The following TRIM9 variants were observed in gnomAD, a reference collection of about 807,000 sequenced individuals.
The protein encoded by TRIM9 is E3 ubiquitin-protein ligase TRIM9.
A neutral mutation model predicts 78.3 loss-of-function variants in TRIM9; 26 were observed. That is an observed-to-expected ratio of 0.33 (90% CI 0.24 to 0.46). TRIM9 has a LOEUF of 0.46. TRIM9 is among the 20% of genes least tolerant of loss of function. The pLI, the probability that TRIM9 is intolerant of heterozygous loss-of-function variation, is 1.00. For missense variants in TRIM9, 787 were observed against 1,036.4 expected (o/e 0.76, Z 3.30); for synonymous variants, 398 against 416.5 (o/e 0.96, Z 0.54).
intron 5 of TRIM9, among the ~76,000 whole-genome samples, chr14:51,001,354 G>C (rs573347175): frequency 6.6e-6 from 1 of 150,838 alleles, no homozygotes; most frequent in Admixed American, 6.6e-5. Context: ...CTCAGCCTCC[G>C]GAGTAGCTGG....
At chr14:51,083,567 T>C (rs2063500780) in intron 1 of TRIM9, among the ~76,000 whole-genome samples, 1 of 152,206 alleles carries the variant, frequency 6.6e-6, no homozygotes. Flanking sequence ...TAAAATACTT[T>C]GCAGCAGCAT....
At chr14:51,025,810 T>C (rs6572718) in intron 1 of TRIM9, among the ~76,000 whole-genome samples, 36,614 of 152,012 alleles carry the variant, frequency 0.24, 5,043 homozygotes, top group African/African-American at 0.38. Flanking sequence ...GGGTAGGTAC[T>C]GGTGTGATCC....
At chr14:51,049,208 T>C (rs1475749969) in intron 1 of TRIM9, among the ~76,000 whole-genome samples, 1 of 152,088 alleles carries the variant, frequency 6.6e-6, no homozygotes, top group Non-Finnish European at 1.5e-5. Flanking sequence ...ACTACAGGCA[T>C]GCGCCATCAC....
chr14:51,025,571 C>T (rs921911337), intron 1 of TRIM9, among the ~76,000 whole-genome samples: 3 of 152,156 alleles, frequency 2.0e-5, no homozygotes, highest in Non-Finnish European at 4.4e-5. Flanking sequence ...ACACTTCTGG[C>T]CACAGCAGTC....
intron 1 of TRIM9, among the ~76,000 whole-genome samples, 163 bp downstream of exon 1, chr14:51,093,955 C>A (rs2064690969): frequency 6.6e-6 from 1 of 152,260 alleles, no homozygotes; most frequent in East Asian, 1.9e-4. Flanking sequence ...GTTAAGATTC[C>A]CCCATGCCTC....
At chr14:51,009,747 C>G (rs560231774) in intron 4 of TRIM9, among the ~76,000 whole-genome samples, 57 of 152,278 alleles carry the variant, frequency 3.7e-4, no homozygotes, top group African/African-American at 1.3e-3. Flanking sequence ...TCTTTCATTT[C>G]TTATATTCAA....
At chr14:51,054,567 C>T (rs2060731132) in intron 1 of TRIM9, among the ~76,000 whole-genome samples, 1 of 151,884 alleles carries the variant, frequency 6.6e-6, no homozygotes, top group Non-Finnish European at 1.5e-5. Context: ...TGAGCCATTG[C>T]CGCCGGCCAA....
intron 1 of TRIM9, among the ~76,000 whole-genome samples, chr14:51,059,143 G>A (rs1389172836): frequency 2.0e-5 from 3 of 152,216 alleles, no homozygotes; most frequent in Non-Finnish European, 4.4e-5. Flanking sequence ...TGGGAAATCA[G>A]TTCTTTCCTC....
At chr14:51,065,277 G>C (rs1376196585) in intron 1 of TRIM9, among the ~76,000 whole-genome samples, 1 of 152,190 alleles carries the variant, frequency 6.6e-6, no homozygotes, top group Non-Finnish European at 1.5e-5. Context: ...TGAAACCGCT[G>C]AATGTCAACA....
chr14:50,986,002 G>C lies in TRIM9; in HGVS notation c.1746C>G (p.Pro582=), dbSNP rs1167202335. The change falls in exon 8 of 13, where the codon CCC becomes CCG. Residue 582 remains proline (P), a synonymous_variant. Coordinates refer to ENST00000684578, the MANE Select transcript of TRIM9 (RefSeq NM_001387360.1). ...GRSYFDFRSS[P]HQLSLHSSLQ... ...AAGAGGAATGCAAGCTCAGCTGGTG[G>C]GGTGAGGATCGGAAATCAAAGTAGG... 2 of 1,548,828 alleles carry C rather than the reference G, an allele frequency of 1.3e-6. No homozygotes were observed. Among genetic ancestry groups the C allele is most frequent in the African/African-American group, 1.4e-5 (1 of 73,116 alleles).
At chr14:51,029,341 C>T (rs1262923347) in intron 1 of TRIM9, among the ~76,000 whole-genome samples, 12 of 152,176 alleles carry the variant, frequency 7.9e-5, no homozygotes, top group Admixed American at 7.8e-4. Context: ...CAGCTGCCTC[C>T]CCGGGCGTGG....
intron 7 of TRIM9, among the ~76,000 whole-genome samples, chr14:50,991,558 A>G (rs1003902271): frequency 6.6e-6 from 1 of 152,184 alleles, no homozygotes; most frequent in African/African-American, 2.4e-5. Context: ...TCAGTAGACC[A>G]TATACATTTC....
intron 5 of TRIM9, among the ~76,000 whole-genome samples, chr14:51,002,873 C>G (rs1050640101): frequency 2.0e-5 from 3 of 152,188 alleles, no homozygotes; most frequent in African/African-American, 7.2e-5. Context: ...CCTGTTAAAA[C>G]TGCAGGCAAT....
chr14:51,043,406 CAG>C (rs1303344800), intron 1 of TRIM9, among the ~76,000 whole-genome samples: 5 of 152,132 alleles, frequency 3.3e-5, no homozygotes, highest in African/African-American at 9.7e-5. Flanking sequence ...AAGAGATACA[CAG>C]AGAATGGAGA....
rs1240406683 is a variant in TRIM9, at chr14:50,986,072, G to A, written c.1676C>T (p.Pro559Leu). The A allele has an allele frequency of 6.5e-7, 1 of 1,549,684 alleles. No homozygotes were observed. The highest frequency in any genetic ancestry group is 1.2e-5 in the South Asian group (1 of 83,904). Residue 559 changes from proline to leucine, a missense_variant, in exon 8 of 13, where the codon CCT becomes CTT. Physicochemically the swap from Pro to Leu is moderately conservative, Grantham distance 98. Around this residue, in one of 3 missense-constraint regions of TRIM9, gnomAD observed 421 missense variants for 514.3 expected, o/e 0.82. Coordinates refer to ENST00000684578, the MANE Select transcript of TRIM9 (RefSeq NM_001387360.1). Reference protein sequence around the residue: ...SERLPLRRMSPFSSTLNLQPS... With the variant: ...SERLPLRRMSLFSSTLNLQPS... Reference sequence around the variant, plus strand: ...TTGTAGATTAAGGGTGGAGGAGAAAGGACTCATTCTACGGAGCGGCAATCT... The same window carrying A: ...TTGTAGATTAAGGGTGGAGGAGAAAAGACTCATTCTACGGAGCGGCAATCT...
chr14:51,048,708 G>A (rs539827636), intron 1 of TRIM9, among the ~76,000 whole-genome samples: 1 of 152,166 alleles, frequency 6.6e-6, no homozygotes, highest in South Asian at 2.1e-4. Context: ...TCGGGGGCCG[G>A]GCGCAGTGGC....
intron 3 of TRIM9, among the ~76,000 whole-genome samples, chr14:51,015,987 T>G (rs2057144007): frequency 6.6e-6 from 1 of 152,194 alleles, no homozygotes. Flanking sequence ...GGTAATCCTT[T>G]AATCCTTTTT....
intron 8 of TRIM9, among the ~76,000 whole-genome samples, chr14:50,985,334 C>T (rs2052555878): frequency 3.3e-5 from 5 of 152,170 alleles, no homozygotes; most frequent in Admixed American, 3.3e-4. Context: ...AGTGATCCCA[C>T]CCCATTGCTA....
chr14:51,031,191 A>T (rs1187451189), intron 1 of TRIM9, among the ~76,000 whole-genome samples: 1 of 151,928 alleles, frequency 6.6e-6, no homozygotes, highest in Non-Finnish European at 1.5e-5. Context: ...AAAGAAAGAA[A>T]GAATGATTCT....
Sources: gnomAD v4.1 joint callset for allele counts (sites outside exome capture counted in the v4.1 genomes callset) on GRCh38, gnomAD v4.1.1 for gene constraint, gnomAD v4.1.1 regional missense constraint, MANE v1.5 for transcripts, NCBI Gene and HGNC (gene_info 2026-07-23, HGNC 2026-07-21) for gene names.